SPECC1: variants seen among roughly 807,000 people sequenced by gnomAD.
SPECC1 encodes cytospin-B.
SPECC1 carries 62 observed loss-of-function variants against 104.1 expected under a neutral mutation model. The observed-to-expected ratio is 0.60, with a 90% CI of 0.49 to 0.74. The LOEUF (loss-of-function observed/expected upper bound fraction) is 0.74, where lower values mean the gene tolerates loss of function less well. Ranked by LOEUF, SPECC1 falls within the 30% of genes least tolerant of loss-of-function variation. The probability of loss-of-function intolerance (pLI) is 0.00; values close to 1 mark genes in which losing one functional copy is unlikely to be tolerated. For synonymous variants in SPECC1, 513 were observed against 501.6 expected, an observed-to-expected ratio of 1.02 and a Z score of -0.30; for missense variants, 1,306 against 1,310.5, an observed-to-expected ratio of 1.00 and a Z score of 0.05.
intron 1 of SPECC1, among the ~76,000 whole-genome samples, chr17:20,095,039 C>T (rs890747865): frequency 3.9e-5 from 6 of 152,212 alleles, no homozygotes; most frequent in Non-Finnish European, 1.5e-5. Flanking sequence ...TGAAATTCAT[C>T]AGTAATTCTC....
intron 1 of SPECC1, among the ~76,000 whole-genome samples, chr17:20,055,689 C>T (rs1264201649): frequency 1.3e-5 from 2 of 152,238 alleles, no homozygotes; most frequent in Non-Finnish European, 2.9e-5. Context: ...TTGTTTTTCA[C>T]TAAAGGCAGT....
chr17:20,299,570 A>AG (rs1470163045), intron 13 of SPECC1, among the ~76,000 whole-genome samples: 3 of 118,460 alleles, frequency 2.5e-5, no homozygotes, highest in South Asian at 2.5e-4. Flanking sequence ...AAAAAAAAAA[A>AG]AAAAAAAAAG....
intron 1 of SPECC1, among the ~76,000 whole-genome samples, chr17:20,019,487 T>C (rs1252531087): frequency 6.6e-6 from 1 of 152,104 alleles, no homozygotes; most frequent in Non-Finnish European, 1.5e-5. Flanking sequence ...TGGCACGTGC[T>C]CAGCAGCCTT....
At chr17:20,215,858 G>T (rs920476726) in intron 4 of SPECC1, among the ~76,000 whole-genome samples, 3 of 152,094 alleles carry the variant, frequency 2.0e-5, no homozygotes, top group African/African-American at 7.2e-5. Flanking sequence ...TAGGAGAAGA[G>T]CTTGGTTCTT....
chr17:20,072,357 GTC>G (rs1314605558), intron 1 of SPECC1, among the ~76,000 whole-genome samples: 1 of 152,236 alleles, frequency 6.6e-6, no homozygotes, highest in Non-Finnish European at 1.5e-5. Flanking sequence ...TGAGTTAGGT[GTC>G]TGTCATTTGC....
intron 1 of SPECC1, among the ~76,000 whole-genome samples, chr17:20,016,046 T>A (rs1206157851): frequency 6.9e-6 from 1 of 144,990 alleles, no homozygotes; most frequent in African/African-American, 2.5e-5. Context: ...CCGCTTCTAC[T>A]AAAAAAAAAA....
At position 20,316,706 on chromosome 17, in the gene SPECC1, T is replaced by TG. The variant is rs1212760699; in HGVS notation, c.*2641_*2642insG. The TG allele has an allele frequency of 3.0e-4, 55 of 182,692 alleles. No homozygotes were observed. Among genetic ancestry groups the TG allele is most frequent in the East Asian group, 2.6e-3 (29 of 11,302 alleles). 11.3% of individuals were successfully genotyped at this position (182,692 alleles called of 1,614,324 possible). ...TTTTTTTTGTTGTTGTTTGTTTGTT[T>TG]TTTTTTTTGAGACAGAGTCTTGCTC... On this transcript the variant is annotated 3_prime_UTR_variant, in exon 15 of 15. Transcript: ENST00000395527.
At chr17:20,286,476 G>A (rs922908669) in intron 12 of SPECC1, among the ~76,000 whole-genome samples, 2 of 152,210 alleles carry the variant, frequency 1.3e-5, no homozygotes, top group Admixed American at 6.5e-5. Context: ...GAGGACTGTC[G>A]CGCAGCAGCT....
chr17:20,218,418 G>T (rs965089515), intron 4 of SPECC1, among the ~76,000 whole-genome samples: 2 of 152,068 alleles, frequency 1.3e-5, no homozygotes, highest in African/African-American at 4.8e-5. Flanking sequence ...TCATCTTGAT[G>T]CATTTAAGCA....
intron 3 of SPECC1, among the ~76,000 whole-genome samples, chr17:20,183,536 G>A (rs2035053138): frequency 6.6e-6 from 1 of 152,104 alleles, no homozygotes; most frequent in African/African-American, 2.4e-5. Flanking sequence ...ATTCATTCCA[G>A]AATCTCCTAT....
chr17:20,175,166 G>A (rs2034383646), intron 3 of SPECC1, among the ~76,000 whole-genome samples: 1 of 152,146 alleles, frequency 6.6e-6, no homozygotes, highest in African/African-American at 2.4e-5. Flanking sequence ...TCAGCCTGCA[G>A]CCCCCAGAGG....
At chr17:20,066,911 ATTTTTT>A (rs371289652) in intron 1 of SPECC1, among the ~76,000 whole-genome samples, 6 of 120,108 alleles carry the variant, frequency 5.0e-5, no homozygotes, top group Non-Finnish European at 1.0e-4. Context: ...GGCTAATCAA[ATTTTTT>A]TTTTTTTTTT....
rs79740973 is a variant in SPECC1 at position 20,238,699 on chromosome 17, T to A, written c.2351+6294T>A. The A allele has an allele frequency of 1.8e-3, 1,911 of 1,039,854 alleles. 107 individuals are homozygous for A. The East Asian group carries it at 0.1, about 56-fold the overall frequency. The allele number at this position is 1,039,854 out of a possible 1,614,324, so 64.4% of individuals were successfully genotyped here. ...TATTTTGGGCACTCTTTACCTCAGA[T>A]TCAGAGTTCTTAGGATTATTTAAAA... On this transcript the variant is annotated intron_variant, in intron 7 of 14. Coordinates refer to ENST00000395527, the MANE Select transcript of SPECC1 (RefSeq NM_001243439.2).
intron 3 of SPECC1, chr17:20,155,780 T>A: frequency 2.6e-6 from 1 of 383,182 alleles, no homozygotes; most frequent in Non-Finnish European, 3.7e-6. Context: ...GCAGCTGCGG[T>A]TCTCAGCATC....
chr17:20,078,676 CTG>C lies in SPECC1; in HGVS notation c.-21-17953_-21-17952del, dbSNP rs2046855623. Among the ~76,000 whole-genome samples, 4 of 152,064 alleles carry C rather than the reference CTG, an allele frequency of 2.6e-5. No individual in the cohort carries two copies. In the South Asian group the frequency reaches 8.3e-4, roughly 32 times the overall value. ...ACCTTTGATTTGTCTTAGAAAAACACTGTACATGTTTTTAAGTAAGCATAAAC... is the reference window on the plus strand; with the variant it reads ...ACCTTTGATTTGTCTTAGAAAAACACTACATGTTTTTAAGTAAGCATAAAC... On this transcript the variant is annotated intron_variant, in intron 1 of 14. Transcript: ENST00000395527.
chr17:20,016,707 C>A (rs1209614928), intron 1 of SPECC1, among the ~76,000 whole-genome samples: 3 of 152,218 alleles, frequency 2.0e-5, no homozygotes, highest in African/African-American at 7.2e-5. Flanking sequence ...CCTGAGCCAC[C>A]CCCACCTCCT....
rs1171732364 is a variant in SPECC1, at chr17:20,296,003, G to C, written c.2941-958G>C. ...CACTCTGATGGCAGTTTCTTTTGCTGTGCAGAAACTCTTTAGTTTAATTAG... is the reference window on the plus strand; with the variant it reads ...CACTCTGATGGCAGTTTCTTTTGCTCTGCAGAAACTCTTTAGTTTAATTAG... On this transcript the variant is annotated intron_variant, in intron 12 of 14. Coordinates refer to ENST00000395527, the MANE Select transcript of SPECC1 (RefSeq NM_001243439.2). 5.3e-5 allele frequency among the ~76,000 whole-genome samples: 8 copies of C among 152,304 alleles called. No homozygotes were observed. The East Asian group carries it at 9.6e-4, about 18-fold the overall frequency.
intron 12 of SPECC1, among the ~76,000 whole-genome samples, chr17:20,274,601 C>T (rs1376162374): frequency 6.6e-6 from 1 of 150,802 alleles, no homozygotes; most frequent in Non-Finnish European, 1.5e-5. Context: ...CTGCCTCAGC[C>T]TCCCTAGTAG....
intron 1 of SPECC1, among the ~76,000 whole-genome samples, chr17:20,014,574 T>A (rs551462836): frequency 2.5e-4 from 38 of 152,342 alleles, no homozygotes; most frequent in African/African-American, 9.1e-4. Flanking sequence ...TATTCTTGAC[T>A]GGGTATAGGA....
Sources: gnomAD v4.1 joint callset for allele counts (sites outside exome capture counted in the v4.1 genomes callset) on GRCh38, gnomAD v4.1.1 for gene constraint, MANE v1.5 for transcripts, NCBI Gene and HGNC (gene_info 2026-07-23, HGNC 2026-07-21) for gene names.